IGFN1: variants seen among roughly 807,000 people sequenced by gnomAD.
IGFN1 encodes the protein immunoglobulin-like and fibronectin type III domain-containing protein 1.
In IGFN1, 253 loss-of-function variants were observed where a neutral mutation model predicts 289.5. The ratio of observed to expected loss-of-function variants is 0.87; its 90% CI spans 0.79 to 0.97. The LOEUF is 0.97. Among genes scored for constraint, IGFN1 ranks in the 50% least tolerant of loss-of-function variants. The pLI is 0.00. For missense variants in IGFN1, 4,470 were observed against 4,686.1 expected (o/e 0.95, Z 1.35); for synonymous variants, 1,706 against 1,788.5 (o/e 0.95, Z 1.16).
Position 201,211,300 on chromosome 1 carries a change from C to T in IGFN1, c.6407C>T (p.Ser2136Leu). 6.5e-7 allele frequency: 1 copy of T among 1,529,596 alleles called. No homozygotes were observed. Among genetic ancestry groups the T allele is most frequent in the Non-Finnish European group, 8.7e-7 (1 of 1,143,390 alleles). The allele number at this position is 1,529,596 out of a possible 1,614,324, so 94.8% of individuals were successfully genotyped here. The change falls in exon 12 of 24, where the codon TCA (serine) becomes TTA (leucine). Residue 2136 changes from serine to leucine, a missense_variant. Physicochemically the swap from Ser to Leu is moderately radical, Grantham distance 145. Transcript: ENST00000335211. Reference sequence around the variant, plus strand: ...TTAGGGAGTTCTACAGAAATGGGGTCAGTGAATGAGGCAGGTTATAGGAAG... The same window carrying T: ...TTAGGGAGTTCTACAGAAATGGGGTTAGTGAATGAGGCAGGTTATAGGAAG... ...DGLGSSTEMG[S>L]VNEAGYRKDL...
chr1:201,223,034 C>T (rs550390791), intron 20 of IGFN1: 25 of 407,910 alleles, frequency 6.1e-5, no homozygotes, highest in African/African-American at 1.6e-4. Flanking sequence ...CCTCACTTGG[C>T]GGCTGGGTGG....
At position 201,228,349 on chromosome 1, in the gene IGFN1, C is replaced by A. The variant is rs761443220; in HGVS notation, c.11114-37C>A. The A allele has an allele frequency of 3.8e-5, 62 of 1,611,102 alleles. No individual in the cohort carries two copies. In the South Asian group the frequency reaches 6.7e-4, roughly 17 times the overall value. ...GAACAGATGCAGGGTGGGGTGGCTG[C>A]CCCTCTGAACCAACTGGAATATCCT... On this transcript the variant is annotated intron_variant, in intron 23 of 23. Coordinates refer to ENST00000335211, the MANE Select transcript of IGFN1 (RefSeq NM_001164586.2).
chr1:201,199,811 C>G (rs762810241), intron 7 of IGFN1, among the ~76,000 whole-genome samples, 157 bp downstream of exon 7: 2 of 152,152 alleles, frequency 1.3e-5, no homozygotes, highest in Non-Finnish European at 2.9e-5. Flanking sequence ...GGGGACTGAA[C>G]TGGATGGGAA....
intron 18 of IGFN1, among the ~76,000 whole-genome samples, chr1:201,220,650 C>T (rs959881233): frequency 6.6e-6 from 1 of 152,254 alleles, no homozygotes; most frequent in Non-Finnish European, 1.5e-5. Flanking sequence ...AATCTCAGGC[C>T]TCACCCCAGA....
chr1:201,226,224 T>C, intron 22 of IGFN1, 101 bp downstream of exon 22: 1 of 1,286,718 alleles, frequency 7.8e-7, no homozygotes, highest in Non-Finnish European at 1.0e-6. Flanking sequence ...ATAGGGACTG[T>C]GGCAGGGATG....
intron 15 of IGFN1, 65 bp from the exon 16 acceptor site, chr1:201,216,388 GT>G (rs1653286886): frequency 1.0e-5 from 14 of 1,347,876 alleles, no homozygotes; most frequent in Non-Finnish European, 1.3e-5. Context: ...AGTTGGGGGG[GT>G]TGGCGCTGCT....
chr1:201,212,600 G>C lies in IGFN1; in HGVS notation c.7707G>C (p.Gln2569His), dbSNP rs371933388. 6.5e-6 allele frequency: 10 copies of C among 1,545,028 alleles called. No individual in the cohort carries two copies. The East Asian group carries it at 1.5e-4, about 23-fold the overall frequency. ...GMTDRGRVAG[Q>H]GGLASQGGGD... ...CAGACAGGGGTAGAGTTGCTGGCCA[G>C]GGGGGGTTGGCATCTCAGGGAGGTG... Residue 2569 changes from glutamine to histidine, a missense_variant, in exon 12 of 24, where the codon CAG (glutamine) becomes CAC (histidine). Coordinates refer to ENST00000335211, the MANE Select transcript of IGFN1 (RefSeq NM_001164586.2).
chr1:201,221,079 A>G (rs12076181), intron 18 of IGFN1, among the ~76,000 whole-genome samples: 1,661 of 152,340 alleles, frequency 0.011, 33 homozygotes, highest in African/African-American at 0.038. Flanking sequence ...TCCAGAATAA[A>G]AACACATGGA....
Position 201,206,565 on chromosome 1 carries a change from G to A in IGFN1, c.1672G>A (p.Gly558Ser), listed in dbSNP as rs1358545177. 3.2e-6 allele frequency: 5 copies of A among 1,550,206 alleles called. No homozygotes were observed. Among genetic ancestry groups the A allele is most frequent in the Non-Finnish European group, 4.4e-6 (5 of 1,146,988 alleles). Residue 558 changes from glycine (G) to serine (S), a missense_variant, in exon 12 of 24, where the codon GGC (glycine) becomes AGC (serine). Around this residue, in one of 8 missense-constraint regions of IGFN1, gnomAD observed 2,011 missense variants for 1,953.4 expected, o/e 1.03. Transcript: ENST00000335211. ...NSDECWRKAG[G>S]WEAGSSRLQA... is the part of the protein sequence containing the mutation. ...TGATGAATGCTGGAGGAAAGCAGGA[G>A]GCTGGGAGGCTGGGTCCAGTCGGCT...
chr1:201,225,901 C>T lies in IGFN1; in HGVS notation c.10564C>T (p.Pro3522Ser), dbSNP rs756587413. 4.3e-6 allele frequency: 7 copies of T among 1,611,390 alleles called. No individual in the cohort carries two copies. Among genetic ancestry groups the T allele is most frequent in the Non-Finnish European group, 5.9e-6 (7 of 1,178,950 alleles). Reference sequence around the variant, plus strand: ...GGTGACGGCCGAGTGGGAACCCTCTCCTGACGAGGCCCAGGATGTCCCGCT... The same window carrying T: ...GGTGACGGCCGAGTGGGAACCCTCTTCTGACGAGGCCCAGGATGTCCCGCT... Reference protein sequence around the residue: ...GTVTAEWEPSPDEAQDVPLHY... With the variant: ...GTVTAEWEPSSDEAQDVPLHY... The change falls in exon 22 of 24, where the codon CCT (proline) becomes TCT (serine). Residue 3522 changes from proline (P) to serine (S), a missense_variant. Pro to Ser is a moderately conservative substitution (Grantham distance 74). Around this residue, in one of 8 missense-constraint regions of IGFN1, gnomAD observed 2,218 missense variants for 2,114.1 expected, o/e 1.05. Coordinates refer to ENST00000335211, the MANE Select transcript of IGFN1 (RefSeq NM_001164586.2).
intron 12 of IGFN1, 99 bp from the exon 13 acceptor site, chr1:201,214,078 G>A: frequency 7.6e-7 from 1 of 1,312,786 alleles, no homozygotes. Flanking sequence ...GCTGACACCA[G>A]CCAAGCCCAG....
At chr1:201,215,987 T>G in intron 15 of IGFN1, 149 bp downstream of exon 15, 1 of 812,426 alleles carries the variant, frequency 1.2e-6, no homozygotes, top group Non-Finnish European at 2.1e-6. Flanking sequence ...CCACTAACTC[T>G]GCTCAGACTG....
At chr1:201,195,150 T>C (rs1209451790) in intron 3 of IGFN1, among the ~76,000 whole-genome samples, 1 of 84,618 alleles carries the variant, frequency 1.2e-5, no homozygotes, top group African/African-American at 2.9e-5. Flanking sequence ...AAATCTCTTC[T>C]TTTTTTTTTT....
At chr1:201,191,732 G>A (rs1282833155) in intron 1 of IGFN1, among the ~76,000 whole-genome samples, 1 of 152,172 alleles carries the variant, frequency 6.6e-6, no homozygotes, top group Non-Finnish European at 1.5e-5. Flanking sequence ...GTTCCCCCAA[G>A]AGCTTTGCTT....
At chr1:201,193,111 T>C (rs541809769) in intron 1 of IGFN1, 136 bp from the exon 2 acceptor site, 16 of 592,526 alleles carry the variant, frequency 2.7e-5, no homozygotes, top group South Asian at 2.5e-4. Context: ...GTGCCATTAG[T>C]GGGTTAGAAA....
In IGFN1 at chr1:201,207,278, T is replaced by C; in HGVS notation, c.2385T>C (p.Asp795=). 1.3e-6 allele frequency: 2 copies of C among 1,536,758 alleles called. No homozygotes were observed. The highest frequency in any genetic ancestry group is 1.7e-6 in the Non-Finnish European group (2 of 1,146,878). The part of the protein sequence containing the change: ...EGVLQELRGR[D]GQETAWASGE... ...TCCTACAGGAGCTCAGGGGAAGGGA[T>C]GGCCAGGAAACAGCTTGGGCCTCGG... Residue 795 remains aspartate, a synonymous_variant, in exon 12 of 24, where the codon GAT becomes GAC. Coordinates refer to ENST00000335211, the MANE Select transcript of IGFN1 (RefSeq NM_001164586.2).
At position 201,215,523 on chromosome 1, in the gene IGFN1, CTTGTT is replaced by C. The variant is rs1214783172; in HGVS notation, c.8996-13_8996-9del. 3.2e-6 allele frequency: 5 copies of C among 1,541,252 alleles called. No individual in the cohort carries two copies. In the East Asian group the frequency reaches 6.8e-5, roughly 21 times the overall value. ...CAGTGCCCTGGTCTTCCTTGACTCT[CTTGTT>C]TTATTTCTAGATTCCCCTACCATTG... On this transcript the variant is annotated splice_polypyrimidine_tract_variant and intron_variant, in intron 14 of 23. Transcript: ENST00000335211.
At chr1:201,216,811 G>A (rs1461878046) in intron 16 of IGFN1, 58 bp downstream of exon 16, 21 of 1,428,552 alleles carry the variant, frequency 1.5e-5, no homozygotes, top group Middle Eastern at 2.3e-4. Context: ...CCACTGTGCC[G>A]AGGAGGGCAG....
chr1:201,227,174 C>T lies in IGFN1; in HGVS notation c.11079C>T (p.Gly3693=), dbSNP rs758039269. 2.5e-6 allele frequency: 4 copies of T among 1,608,210 alleles called. No individual in the cohort carries two copies. The highest frequency in any genetic ancestry group is 2.2e-5 in the East Asian group (1 of 44,534). The change falls in exon 23 of 24, where the codon GGC becomes GGT. Residue 3693 remains glycine (G), a synonymous_variant. Transcript: ENST00000335211. ...AGGCTGTGGCTGAGAACACGCTGGG[C>T]CAGGCAGTCAGCACTGCCACCCTCA... ...EYKAVAENTL[G]QAVSTATLIV...
Sources: allele counts gnomAD v4.1 joint callset (sites outside exome capture counted in the v4.1 genomes callset), GRCh38; gene constraint gnomAD v4.1.1; regional missense constraint gnomAD v4.1.1; transcripts MANE v1.5; gene names NCBI Gene and HGNC (gene_info 2026-07-23, HGNC 2026-07-21).